CPNE4: variants seen among roughly 807,000 people sequenced by gnomAD.
The protein encoded by CPNE4 is copine 4, also known as copine-4.
In CPNE4, 25 loss-of-function variants were observed where a neutral mutation model predicts 67.9. The ratio of observed to expected loss-of-function variants is 0.37; its 90% confidence interval spans 0.27 to 0.51. CPNE4 has a LOEUF of 0.51. CPNE4 is among the 20% of genes least tolerant of loss of function. The pLI, the probability that CPNE4 is intolerant of heterozygous loss-of-function variation, is 0.93. For synonymous variants in CPNE4, 242 were observed against 244.9 expected (o/e 0.99, Z 0.11); for missense variants, 464 against 690.8 (o/e 0.67, Z 3.68).
intron 1 of CPNE4, among the ~76,000 whole-genome samples, chr3:131,962,104 T>A (rs528662281): frequency 1.4e-4 from 21 of 152,320 alleles, no homozygotes; most frequent in Admixed American, 6.5e-4. Flanking sequence ...ACCTTTGCTG[T>A]TCCCCTTTGA....
chr3:131,801,685 A>C (rs907970344), intron 2 of CPNE4, among the ~76,000 whole-genome samples: 4 of 150,412 alleles, frequency 2.7e-5, no homozygotes, highest in Non-Finnish European at 5.9e-5. Flanking sequence ...ACTGTGGGTT[A>C]GTGCTTTCCA....
At chr3:131,635,550 A>G (rs2079356519) in intron 7 of CPNE4, among the ~76,000 whole-genome samples, 2 of 152,362 alleles carry the variant, frequency 1.3e-5, no homozygotes, top group Admixed American at 1.3e-4. Flanking sequence ...TGCTTCCACT[A>G]GCCATATTTC....
At chr3:131,863,781 A>G (rs1411296335) in intron 2 of CPNE4, among the ~76,000 whole-genome samples, 1 of 152,216 alleles carries the variant, frequency 6.6e-6, no homozygotes, top group East Asian at 1.9e-4. Context: ...GTCCTTGCCC[A>G]TGCCTATGTC....
At chr3:132,036,768 A>G (rs187587353), upstream of CPNE4, among the ~76,000 whole-genome samples, 355 of 152,316 alleles carry the variant, frequency 2.3e-3, no homozygotes, top group Non-Finnish European at 3.6e-3. Context: ...GGTGTCTACC[A>G]CCTTCTACAT....
intron 2 of CPNE4, among the ~76,000 whole-genome samples, chr3:131,743,926 G>T (rs1460280316): frequency 1.8e-5 from 2 of 111,932 alleles, no homozygotes; most frequent in African/African-American, 3.5e-5. Flanking sequence ...TCGCGCCACT[G>T]CACTCCAGCC....
In CPNE4 at chr3:131,696,574, G is replaced by A. The variant is rs1381759273; in HGVS notation, c.475C>T (p.Leu159Phe). Reference protein sequence around the residue: ...ELSGNDDYVELAFNARKLDDK... With the variant: ...ELSGNDDYVEFAFNARKLDDK... ...TCCAATTTCCGTGCATTGAATGCAAGCTCAACATAGTCGTCATTGCCAGAT... is the reference window on the plus strand; with the variant it reads ...TCCAATTTCCGTGCATTGAATGCAAACTCAACATAGTCGTCATTGCCAGAT... Residue 159 changes from leucine (L) to phenylalanine (F), a missense_variant, in exon 5 of 16, where the codon CTT (leucine) becomes TTT (phenylalanine). By Grantham distance (22) the Leu-to-Phe change is conservative (BLOSUM62 0). Around this residue, in one of 6 missense-constraint regions of CPNE4, gnomAD observed 170 missense variants for 203.3 expected, o/e 0.84. Transcript: ENST00000429747. 6.2e-7 allele frequency: 1 copy of A among 1,614,004 alleles called. No individual in the cohort carries two copies. Among genetic ancestry groups the A allele is most frequent in the East Asian group, 2.2e-5 (1 of 44,868 alleles).
At chr3:132,030,492 A>T (rs532957795) in intron 1 of CPNE4, among the ~76,000 whole-genome samples, 29 of 152,344 alleles carry the variant, frequency 1.9e-4, no homozygotes, top group African/African-American at 7.0e-4. Context: ...TCCATCACAG[A>T]TCAGCTTAAA....
At chr3:131,796,510 G>A (rs1486554320) in intron 2 of CPNE4, among the ~76,000 whole-genome samples, 3 of 152,126 alleles carry the variant, frequency 2.0e-5, no homozygotes, top group Non-Finnish European at 4.4e-5. Context: ...TGCAGTCTTT[G>A]GAGGAAATGA....
At chr3:131,553,544 T>C (rs1435261841) in intron 12 of CPNE4, among the ~76,000 whole-genome samples, 4 of 152,062 alleles carry the variant, frequency 2.6e-5, no homozygotes, top group South Asian at 2.1e-4. Context: ...GGGGTCCATG[T>C]GTGCTGTATA....
At chr3:131,880,337 G>A (rs988602083) in intron 2 of CPNE4, among the ~76,000 whole-genome samples, 1 of 151,974 alleles carries the variant, frequency 6.6e-6, no homozygotes, top group Admixed American at 6.6e-5. Context: ...GGATGATCTC[G>A]ATCTCCTGAG....
chr3:131,630,186 A>G (rs114678491), intron 7 of CPNE4, among the ~76,000 whole-genome samples: 2 of 152,336 alleles, frequency 1.3e-5, no homozygotes, highest in African/African-American at 4.8e-5. Flanking sequence ...TTGTCCATCT[A>G]TTCTACCTGC....
Position 131,550,050 on chromosome 3 carries a change from C to G in CPNE4, c.1199G>C (p.Ser400Thr). 6.2e-7 allele frequency: 1 copy of G among 1,613,114 alleles called. No individual in the cohort carries two copies. Among genetic ancestry groups the G allele is most frequent in the Non-Finnish European group, 8.5e-7 (1 of 1,179,366 alleles). ...GTAGAGTTGGAGCTTAGGAAGACAGCTCTGATAGGCTTCCACAACTCCTTG... is the reference window on the plus strand; with the variant it reads ...GTAGAGTTGGAGCTTAGGAAGACAGGTCTGATAGGCTTCCACAACTCCTTG... Reference protein sequence around the residue: ...GIQGVVEAYQSCLPKLQLYGP... With the variant: ...GIQGVVEAYQTCLPKLQLYGP... The change falls in exon 14 of 16, where the codon AGC becomes ACC. Residue 400 changes from serine to threonine, a missense_variant. Ser to Thr is a moderately conservative substitution (Grantham distance 58, BLOSUM62 1). This residue lies in a region of CPNE4 where 201 missense variants were observed against 357.7 expected (regional missense o/e 0.56). Coordinates refer to ENST00000429747, the MANE Select transcript of CPNE4 (RefSeq NM_130808.3).
chr3:131,819,684 G>C (rs749315096), intron 2 of CPNE4, among the ~76,000 whole-genome samples: 28 of 152,146 alleles, frequency 1.8e-4, no homozygotes, highest in Non-Finnish European at 3.8e-4. Flanking sequence ...CAAAATTTCG[G>C]AGCCTATTTT....
At chr3:131,904,174 CAT>C (rs1401606217) in intron 2 of CPNE4, among the ~76,000 whole-genome samples, 6 of 152,110 alleles carry the variant, frequency 3.9e-5, no homozygotes, top group African/African-American at 1.4e-4. Context: ...ATATTTTACA[CAT>C]GAGTCTTGGG....
At chr3:131,924,743 T>C (rs1214953094) in intron 1 of CPNE4, among the ~76,000 whole-genome samples, 1 of 152,182 alleles carries the variant, frequency 6.6e-6, no homozygotes, top group Non-Finnish European at 1.5e-5. Flanking sequence ...ACATAAACTA[T>C]ACTTTTTGGC....
chr3:131,672,473 C>T lies in CPNE4; in HGVS notation c.592-2709G>A, dbSNP rs148509975. 6.0e-3 allele frequency among the ~76,000 whole-genome samples: 913 copies of T among 152,174 alleles called. 4 individuals are homozygous for T. Among genetic ancestry groups the T allele is most frequent in the Non-Finnish European group, 8.8e-3 (600 of 67,968 alleles). The stretch of plus-strand genomic sequence containing the variant: ...CAGTATATGACAGTTCCCTTTTCTC[C>T]GCATCCTTGCCAGTATTTATTATGG... On this transcript the variant is annotated intron_variant, in intron 6 of 15. Transcript: ENST00000429747.
chr3:131,974,083 G>T lies in CPNE4; in HGVS notation c.-2+60484C>A, dbSNP rs575414459. 2.6e-5 allele frequency among the ~76,000 whole-genome samples: 4 copies of T among 152,248 alleles called. No homozygotes were observed. The East Asian group carries it at 7.7e-4, about 29-fold the overall frequency. ...GGCTGTCATTAAAATCCTGTTTGTGGTAGAAAGGAGGTATTTGGACAGAAT... is the reference window on the plus strand; with the variant it reads ...GGCTGTCATTAAAATCCTGTTTGTGTTAGAAAGGAGGTATTTGGACAGAAT... On this transcript the variant is annotated intron_variant, in intron 1 of 15. Transcript: ENST00000429747.
At chr3:131,620,002 C>T (rs751692406) in intron 7 of CPNE4, among the ~76,000 whole-genome samples, 3 of 152,076 alleles carry the variant, frequency 2.0e-5, no homozygotes, top group African/African-American at 4.8e-5. Flanking sequence ...GTTTTGTAAG[C>T]GTAAACCCCT....
chr3:131,977,447 A>C (rs559549619), intron 1 of CPNE4, among the ~76,000 whole-genome samples: 238 of 152,286 alleles, frequency 1.6e-3, no homozygotes, highest in Admixed American at 5.2e-3. Context: ...CCTCAATTAG[A>C]GCCTACAACT....
Sources: gnomAD v4.1 joint callset for allele counts (sites outside exome capture counted in the v4.1 genomes callset) on GRCh38, gnomAD v4.1.1 for gene constraint, gnomAD v4.1.1 regional missense constraint, MANE v1.5 for transcripts, NCBI Gene and HGNC (gene_info 2026-07-23, HGNC 2026-07-21) for gene names.